Variants in ZNF804B observed in about 807,000 individuals in gnomAD.
ZNF804B encodes zinc finger protein 804B, also known as zinc finger 804B.
ZNF804B carries 80 observed loss-of-function variants against 101.4 expected under a neutral mutation model. The ratio of observed to expected loss-of-function variants is 0.79; its 90% CI spans 0.66 to 0.95. ZNF804B has a LOEUF of 0.95. Among genes scored for constraint, ZNF804B ranks in the 40% least tolerant of loss-of-function variants. The pLI is 0.00. For missense variants in ZNF804B, 1,673 were observed against 1,561.9 expected (o/e 1.07, Z -1.20); for synonymous variants, 622 against 558.8 (o/e 1.11, Z -1.59).
At chr7:89,105,000 G>A (rs762809313) in intron 1 of ZNF804B, among the ~76,000 whole-genome samples, 1 of 152,094 alleles carries the variant, frequency 6.6e-6, no homozygotes, top group Non-Finnish European at 1.5e-5. Flanking sequence ...TTTAGTAAAG[G>A]TTTCTCAGGA....
chr7:89,013,634 G>C (rs762111845), intron 1 of ZNF804B, among the ~76,000 whole-genome samples: 3 of 152,068 alleles, frequency 2.0e-5, no homozygotes, highest in Admixed American at 6.6e-5. Flanking sequence ...TTCTTTGTAG[G>C]GGGAACATTC....
chr7:89,164,763 C>T (rs897902434), intron 1 of ZNF804B, among the ~76,000 whole-genome samples: 1 of 152,040 alleles, frequency 6.6e-6, no homozygotes, highest in South Asian at 2.1e-4. Flanking sequence ...GTATTAGATA[C>T]ACAGCATAAC....
At chr7:89,032,369 T>G (rs1788851565) in intron 1 of ZNF804B, among the ~76,000 whole-genome samples, 1 of 152,028 alleles carries the variant, frequency 6.6e-6, no homozygotes, top group Non-Finnish European at 1.5e-5. Flanking sequence ...AATAAATATT[T>G]AAATGTTTCT....
intron 1 of ZNF804B, among the ~76,000 whole-genome samples, chr7:89,208,248 A>G (rs1386250965): frequency 1.3e-5 from 2 of 151,692 alleles, no homozygotes; most frequent in Non-Finnish European, 2.9e-5. Flanking sequence ...CGCCTGGCTA[A>G]TTTTTTTGTA....
At chr7:89,287,025 A>G (rs566427772) in intron 2 of ZNF804B, among the ~76,000 whole-genome samples, 9 of 152,232 alleles carry the variant, frequency 5.9e-5, no homozygotes, top group Non-Finnish European at 7.4e-5. Context: ...CACAATGAGG[A>G]TGAAGATTTT....
intron 1 of ZNF804B, among the ~76,000 whole-genome samples, chr7:88,767,464 C>T (rs958037375): frequency 5.9e-5 from 9 of 152,202 alleles, no homozygotes; most frequent in Non-Finnish European, 8.8e-5. Context: ...TGTTCTCTAA[C>T]GTCTTCCTTG....
At chr7:89,205,347 A>G (rs1788699796) in intron 1 of ZNF804B, among the ~76,000 whole-genome samples, 1 of 152,190 alleles carries the variant, frequency 6.6e-6, no homozygotes, top group South Asian at 2.1e-4. Flanking sequence ...TCAAAGTCTT[A>G]ACTCATTCCA....
At chr7:89,188,966 G>T (rs183404561) in intron 1 of ZNF804B, among the ~76,000 whole-genome samples, 103 of 152,286 alleles carry the variant, frequency 6.8e-4, no homozygotes, top group African/African-American at 2.3e-3. Flanking sequence ...GATGAAGGTG[G>T]CTATACCAGG....
At chr7:88,921,839 A>G (rs1792724645) in intron 1 of ZNF804B, among the ~76,000 whole-genome samples, 1 of 152,100 alleles carries the variant, frequency 6.6e-6, no homozygotes, top group South Asian at 2.1e-4. Context: ...TAATTTGAAG[A>G]TAAATCTCTA....
At chr7:88,994,813 G>T (rs1337090974) in intron 1 of ZNF804B, among the ~76,000 whole-genome samples, 1 of 151,810 alleles carries the variant, frequency 6.6e-6, no homozygotes, top group Non-Finnish European at 1.5e-5. Context: ...TAATCTAATT[G>T]GGTCATGTAT....
At chr7:89,197,248 A>G (rs1467709257) in intron 1 of ZNF804B, among the ~76,000 whole-genome samples, 4 of 151,968 alleles carry the variant, frequency 2.6e-5, no homozygotes, top group African/African-American at 9.7e-5. Flanking sequence ...ATATCTTTCA[A>G]CTACTAACAC....
intron 1 of ZNF804B, among the ~76,000 whole-genome samples, chr7:89,204,388 T>A (rs966666336): frequency 2.0e-5 from 3 of 152,210 alleles, no homozygotes; most frequent in Non-Finnish European, 4.4e-5. Flanking sequence ...CCTTTATAAA[T>A]GGAACAGCAT....
At chr7:89,263,855 G>A (rs1312949687) in intron 2 of ZNF804B, among the ~76,000 whole-genome samples, 2 of 152,156 alleles carry the variant, frequency 1.3e-5, no homozygotes, top group Non-Finnish European at 1.5e-5. Flanking sequence ...GTGTAGCCCT[G>A]CTGACATTTT....
At chr7:89,044,347 C>T (rs1284924043) in intron 1 of ZNF804B, among the ~76,000 whole-genome samples, 1 of 152,168 alleles carries the variant, frequency 6.6e-6, no homozygotes, top group Non-Finnish European at 1.5e-5. Context: ...TTATAAATTA[C>T]CCAGTCTTGG....
chr7:88,798,612 T>C (rs1294312395), intron 1 of ZNF804B, among the ~76,000 whole-genome samples: 1 of 152,146 alleles, frequency 6.6e-6, no homozygotes, highest in Non-Finnish European at 1.5e-5. Context: ...TTTAGCTTCA[T>C]TGTCACATGG....
chr7:88,867,842 T>C (rs1009615585), intron 1 of ZNF804B, among the ~76,000 whole-genome samples: 5 of 152,146 alleles, frequency 3.3e-5, no homozygotes, highest in Non-Finnish European at 5.9e-5. Flanking sequence ...TCACAGTTAA[T>C]TAAACTGAAA....
At chr7:89,218,132 C>T (rs1788924737) in intron 1 of ZNF804B, 23 bp from the exon 2 acceptor site, 3 of 1,592,624 alleles carry the variant, frequency 1.9e-6, no homozygotes, top group South Asian at 1.1e-5. Flanking sequence ...GTCTAACCAA[C>T]ATTTATGTAT....
At chr7:88,968,138 G>T (rs1050192568) in intron 1 of ZNF804B, among the ~76,000 whole-genome samples, 1 of 73,868 alleles carries the variant, frequency 1.4e-5, no homozygotes, top group Non-Finnish European at 2.5e-5. Context: ...AAAGTTAACC[G>T]AATTTTTCAA....
At chr7:89,095,642 ACT>A (rs1583983336) in intron 1 of ZNF804B, among the ~76,000 whole-genome samples, 1 of 152,058 alleles carries the variant, frequency 6.6e-6, no homozygotes, top group African/African-American at 2.4e-5. Flanking sequence ...CACAGGAAAA[ACT>A]CTGTTACTAG....
Sources: allele counts gnomAD v4.1 joint callset (sites outside exome capture counted in the v4.1 genomes callset), GRCh38; gene constraint gnomAD v4.1.1; transcripts MANE v1.5; gene names NCBI Gene and HGNC (gene_info 2026-07-23, HGNC 2026-07-21).